AP1M1: variants seen among roughly 807,000 people sequenced by gnomAD.
The protein encoded by AP1M1 is AP-1 complex subunit mu-1.
Under a neutral mutation model 57.1 loss-of-function variants are expected in AP1M1, and 18 were observed. The ratio of observed to expected loss-of-function variants is 0.32; its 90% confidence interval spans 0.22 to 0.47. The LOEUF (loss-of-function observed/expected upper bound fraction) is 0.47, where lower values mean the gene tolerates loss of function less well. AP1M1 is among the 20% of genes least tolerant of loss of function. AP1M1 has a pLI of 1.00. For synonymous variants in AP1M1, 241 were observed against 237.9 expected (o/e 1.01, Z -0.12); for missense variants, 362 against 593.5 (o/e 0.61, Z 4.05).
intron 1 of AP1M1, 103 bp downstream of exon 1, chr19:16,198,171 C>T: frequency 1.5e-6 from 2 of 1,351,794 alleles, no homozygotes; most frequent in Non-Finnish European, 2.0e-6. Context: ...GAGCCCCATC[C>T]TGGTGTGAGG....
In AP1M1 at chr19:16,239,988, A is replaced by G. The variant is rs572064718; in HGVS notation, c.*5553A>G. On this transcript the variant is annotated 3_prime_UTR_variant, in exon 12 of 12. Coordinates refer to ENST00000291439, the MANE Select transcript of AP1M1 (RefSeq NM_032493.4). ...ATTCAACCAAGAGTGAGTTGAAAATATTTGAAAAACAATTGTGTCTGTGCT... is the reference window on the plus strand; with the variant it reads ...ATTCAACCAAGAGTGAGTTGAAAATGTTTGAAAAACAATTGTGTCTGTGCT... The G allele has an allele frequency of 6.6e-6, 1 of 152,224 alleles. No homozygotes were observed. Among genetic ancestry groups the G allele is most frequent in the Non-Finnish European group, 1.5e-5 (1 of 68,016 alleles). 9.4% of individuals were successfully genotyped at this position (152,224 alleles called of 1,614,324 possible).
At chr19:16,215,194 C>CAGGGGGGGG (rs1568350995) in intron 5 of AP1M1, among the ~76,000 whole-genome samples, 1 of 1,922 alleles carries the variant, frequency 5.2e-4, no homozygotes, top group Admixed American at 4.6e-3. Flanking sequence ...GAGGCTAAGG[C>CAGGGGGGGG]GGGGGCGGGG....
Position 16,244,882 on chromosome 19 carries a change from T to TTTGTTGTTGTTGTTG in AP1M1, c.*10466_*10480dup, listed in dbSNP as rs71178663. On this transcript the variant is annotated 3_prime_UTR_variant, in exon 12 of 12. Transcript: ENST00000291439. ...TAAATAACATGGATAAAATTTGTTG[T>TTTGTTGTTGTTGTTG]TTGTTGTTGTTGTTGTTGTTGTTGT... The TTTGTTGTTGTTGTTG allele has an allele frequency of 2.3e-3, 341 of 149,680 alleles. No homozygotes were observed. The highest frequency in any genetic ancestry group is 3.1e-3 in the Admixed American group (47 of 15,100). The allele number at this position is 149,680 out of a possible 1,614,324, so 9.3% of individuals were successfully genotyped here.
At chr19:16,217,407 C>T (rs1670162644) in intron 5 of AP1M1, among the ~76,000 whole-genome samples, 1 of 152,154 alleles carries the variant, frequency 6.6e-6, no homozygotes, top group South Asian at 2.1e-4. Flanking sequence ...CACGCACACA[C>T]CACCAGCAAA....
chr19:16,216,444 CAAAA>C (rs796076286), intron 5 of AP1M1, among the ~76,000 whole-genome samples: 1 of 117,054 alleles, frequency 8.5e-6, no homozygotes, highest in Non-Finnish European at 1.8e-5. Context: ...AACTCCGTCT[CAAAA>C]AAAAAAAAAA....
intron 5 of AP1M1, among the ~76,000 whole-genome samples, chr19:16,225,281 C>G (rs1325487648): frequency 6.6e-6 from 1 of 152,250 alleles, no homozygotes; most frequent in South Asian, 2.1e-4. Context: ...GAAATGCAGG[C>G]CCTGCACATG....
intron 1 of AP1M1, among the ~76,000 whole-genome samples, chr19:16,199,000 G>T (rs747703694): frequency 5.8e-4 from 88 of 152,056 alleles, no homozygotes; most frequent in Non-Finnish European, 9.6e-4. Flanking sequence ...TAGAGGCAGG[G>T]TTTCACCATG....
chr19:16,204,010 G>A (rs1001573559), intron 2 of AP1M1, among the ~76,000 whole-genome samples: 5 of 152,076 alleles, frequency 3.3e-5, no homozygotes, highest in Admixed American at 2.6e-4. Flanking sequence ...GTAGGGCAGC[G>A]AGGCTGGAGT....
chr19:16,198,032 C>A lies in AP1M1; in HGVS notation c.6C>A (p.Ser2=). The change falls in exon 1 of 12, where the codon TCC becomes TCA. Residue 2 remains serine (S), a synonymous_variant. Transcript: ENST00000291439. M[S]ASAVYVLDLK... ...CGAGGCCTCCTGCAGCCATCATGTC[C>A]GCCAGCGCCGTCTACGTGCTGGACC... 6.3e-7 allele frequency: 1 copy of A among 1,599,468 alleles called. No homozygotes were observed. The highest frequency in any genetic ancestry group is 8.5e-7 in the Non-Finnish European group (1 of 1,176,066).
At position 16,209,198 on chromosome 19, in the gene AP1M1, T is replaced by C. The variant is rs2290803; in HGVS notation, c.546+21T>C. The stretch of plus-strand genomic sequence containing the variant: ...TCTTGGTAGGCCTCTTTTCTTTCCT[T>C]CTTCTGTAGGGTTTTATCTCTTCCA... On this transcript the variant is annotated intron_variant, in intron 5 of 11. Transcript: ENST00000291439. 7.2e-4 allele frequency: 1,167 copies of C among 1,612,786 alleles called. 27 individuals carry two copies. In the East Asian group the frequency reaches 0.026, roughly 36 times the overall value.
At chr19:16,214,755 T>G (rs1201066110) in intron 5 of AP1M1, among the ~76,000 whole-genome samples, 2 of 151,968 alleles carry the variant, frequency 1.3e-5, no homozygotes, top group Non-Finnish European at 2.9e-5. Context: ...TTTTTTATTC[T>G]TCTTTTTTTT....
chr19:16,219,478 A>G (rs2091533439), intron 5 of AP1M1, among the ~76,000 whole-genome samples: 1 of 149,350 alleles, frequency 6.7e-6, no homozygotes, highest in Non-Finnish European at 1.5e-5. Flanking sequence ...GCTCACTGCA[A>G]CCTCTCCCTC....
At position 16,219,407 on chromosome 19, in the gene AP1M1, T is replaced by C. The variant is rs535970718; in HGVS notation, c.547-7014T>C. Among the ~76,000 whole-genome samples, 695 of 151,682 alleles carry C rather than the reference T, an allele frequency of 4.6e-3. 7 individuals carry two copies. The highest frequency in any genetic ancestry group is 0.016 in the African/African-American group (661 of 41,414). ...TCATTTTTGTTTTTTTGTTTTTTTT[T>C]TTTTTTTGAGATGGAATTTCGCTCT... On this transcript the variant is annotated intron_variant, in intron 5 of 11. Transcript: ENST00000291439.
chr19:16,228,257 C>A lies in AP1M1; in HGVS notation c.888+49C>A. The A allele has an allele frequency of 6.3e-7, 1 of 1,595,434 alleles. No individual in the cohort carries two copies. The highest frequency in any genetic ancestry group is 1.1e-5 in the South Asian group (1 of 90,570). On this transcript the variant is annotated intron_variant, in intron 8 of 11. Transcript: ENST00000291439. The surrounding 1 kb of genome is among the most constrained non-coding windows in gnomAD (Gnocchi z 5.0). ...TGAGGGCCTTCTGGTGTCTCTGGCC[C>A]GTCCCAGGAGCCTAACCGAGGGCTG...
At chr19:16,199,147 G>A (rs549858760) in intron 1 of AP1M1, among the ~76,000 whole-genome samples, 4 of 152,070 alleles carry the variant, frequency 2.6e-5, no homozygotes, top group Admixed American at 6.6e-5. Context: ...GGCTGGTAGG[G>A]GAGATGGATA....
chr19:16,208,154 G>C lies in AP1M1; in HGVS notation c.398+5G>C. ...CGACAGCAAGATCCTGCAGGAGTGA[G>C]TGGGCAGGGGTGGGGCCTGGGGCCA... On this transcript the variant is annotated splice_donor_5th_base_variant and intron_variant, in intron 4 of 11. Transcript: ENST00000291439. 1 of 1,610,950 alleles carries C rather than the reference G, an allele frequency of 6.2e-7. No homozygotes were observed. Among genetic ancestry groups the C allele is most frequent in the Non-Finnish European group, 8.5e-7 (1 of 1,178,300 alleles).
rs2091581679 is a variant in AP1M1 at position 16,228,665 on chromosome 19, G to C, written c.889-105G>C. 1 of 1,338,230 alleles carries C rather than the reference G, an allele frequency of 7.5e-7. No homozygotes were observed. Among genetic ancestry groups the C allele is most frequent in the South Asian group, 1.3e-5 (1 of 76,952 alleles). 82.9% of individuals were successfully genotyped at this position (1,338,230 alleles called of 1,614,324 possible). ...CTGGAGAAGTGGGGCCAGGGGCGGGGCTAGGGAGGATCCCCCGGGCCAGGC... is the reference window on the plus strand; with the variant it reads ...CTGGAGAAGTGGGGCCAGGGGCGGGCCTAGGGAGGATCCCCCGGGCCAGGC... On this transcript the variant is annotated intron_variant, in intron 8 of 11. Coordinates refer to ENST00000291439, the MANE Select transcript of AP1M1 (RefSeq NM_032493.4). The surrounding 1 kb of genome is among the most constrained non-coding windows in gnomAD (Gnocchi z 5.0).
chr19:16,208,676 G>T (rs2091480382), intron 4 of AP1M1, among the ~76,000 whole-genome samples: 2 of 152,138 alleles, frequency 1.3e-5, no homozygotes, highest in South Asian at 4.1e-4. Flanking sequence ...GGGTCACCAG[G>T]TTACACTCCG....
chr19:16,226,792 G>A, intron 6 of AP1M1: 3 of 444,808 alleles, frequency 6.7e-6, no homozygotes, highest in Non-Finnish European at 1.2e-5. Flanking sequence ...TCACACGCCA[G>A]GTCCTGCACC....
Sources: gnomAD v4.1 joint callset for allele counts (sites outside exome capture counted in the v4.1 genomes callset) on GRCh38, gnomAD v4.1.1 for gene constraint, Gnocchi (gnomAD v3.1) non-coding constraint, MANE v1.5 for transcripts, NCBI Gene and HGNC (gene_info 2026-07-23, HGNC 2026-07-21) for gene names.